Variants in MCMDC2 observed in about 807,000 individuals in gnomAD.
MCMDC2 encodes the protein minichromosome maintenance domain-containing protein 2.
MCMDC2 carries 54 observed loss-of-function variants against 75.8 expected under a neutral mutation model. The ratio of observed to expected loss-of-function variants is 0.71; its 90% CI spans 0.57 to 0.89. The LOEUF is 0.89. Among genes scored for constraint, MCMDC2 ranks in the 40% least tolerant of loss-of-function variants. The probability of loss-of-function intolerance (pLI) is 0.00; values close to 1 mark genes in which losing one functional copy is unlikely to be tolerated. For synonymous variants in MCMDC2, 249 were observed against 274.6 expected (o/e 0.91, Z 0.92); for missense variants, 656 against 780.4 (o/e 0.84, Z 1.90).
At chr8:66,886,971 A>T (rs1459102940) in intron 9 of MCMDC2, among the ~76,000 whole-genome samples, 1 of 152,080 alleles carries the variant, frequency 6.6e-6, no homozygotes, top group Non-Finnish European at 1.5e-5. Flanking sequence ...TTCCGAGGTG[A>T]CTATTGATTT....
downstream of MCMDC2, among the ~76,000 whole-genome samples, chr8:66,924,212 T>C (rs939962038): frequency 1.2e-4 from 18 of 152,152 alleles, no homozygotes; most frequent in African/African-American, 4.3e-4. Flanking sequence ...CTAAAATATT[T>C]CAAGGATAAG....
chr8:66,896,232 C>A lies in MCMDC2; in HGVS notation c.1342C>A (p.Gln448Lys). The A allele has an allele frequency of 6.2e-7, 1 of 1,612,526 alleles. No homozygotes were observed. Among genetic ancestry groups the A allele is most frequent in the Non-Finnish European group, 8.5e-7 (1 of 1,179,776 alleles). Residue 448 changes from glutamine to lysine, a missense_variant, in exon 11 of 15, where the codon CAA becomes AAA. By Grantham distance (53) the Gln-to-Lys change is moderately conservative. Transcript: ENST00000422365. Reference protein sequence around the residue: ...PGKKFGEDIDQQMTFPVQCSF... With the variant: ...PGKKFGEDIDKQMTFPVQCSF... The stretch of plus-strand genomic sequence containing the variant: ...AAAGAAGTTTGGGGAGGATATTGAT[C>A]AACAGATGACTTTTCCAGTTCAGTG...
intron 1 of MCMDC2, among the ~76,000 whole-genome samples, chr8:66,873,437 C>G (rs1811120548): frequency 6.6e-6 from 1 of 152,136 alleles, no homozygotes; most frequent in South Asian, 2.1e-4. Flanking sequence ...ACAACTTTTA[C>G]CAGTTTCATT....
intron 9 of MCMDC2, 81 bp from the exon 10 acceptor site, chr8:66,890,784 C>T: frequency 1.6e-6 from 2 of 1,221,390 alleles, no homozygotes; most frequent in South Asian, 2.7e-5. Context: ...GCTCAGTAAA[C>T]ACAGAATAAA....
chr8:66,883,636 A>AG, intron 8 of MCMDC2, 121 bp from the exon 9 acceptor site: 1 of 629,288 alleles, frequency 1.6e-6, no homozygotes, highest in East Asian at 2.8e-5. Context: ...TCAAAAAAAA[A>AG]AAGAATATGG....
At chr8:66,890,802 T>A in intron 9 of MCMDC2, 63 bp from the exon 10 acceptor site, 5 of 1,370,464 alleles carry the variant, frequency 3.6e-6, no homozygotes, top group East Asian at 2.4e-5. Flanking sequence ...AAAATTAAAT[T>A]TAATACATTG....
At chr8:66,891,987 A>G (rs1252444868) in intron 10 of MCMDC2, among the ~76,000 whole-genome samples, 1 of 152,152 alleles carries the variant, frequency 6.6e-6, no homozygotes, top group Non-Finnish European at 1.5e-5. Flanking sequence ...GCAACGGTGG[A>G]GCCCCAAGGG....
intron 14 of MCMDC2, 137 bp from the exon 15 acceptor site, chr8:66,918,864 CTT>C (rs1813418151): frequency 5.8e-6 from 4 of 688,624 alleles, no homozygotes; most frequent in Non-Finnish European, 8.8e-6. Flanking sequence ...AATTTTTTGA[CTT>C]TTATTTTTCA....
intron 9 of MCMDC2, among the ~76,000 whole-genome samples, chr8:66,888,070 A>C (rs952952025): frequency 6.6e-6 from 1 of 152,084 alleles, no homozygotes; most frequent in Non-Finnish European, 1.5e-5. Context: ...TTTTTAAATA[A>C]ATTTTAGAAT....
chr8:66,883,610 A>G, intron 8 of MCMDC2, 147 bp from the exon 9 acceptor site: 1 of 590,692 alleles, frequency 1.7e-6, no homozygotes, highest in Admixed American at 3.1e-5. Context: ...CCTGGGAAAC[A>G]TAACAAGATC....
At chr8:66,881,542 T>C (rs1585858747) in intron 8 of MCMDC2, among the ~76,000 whole-genome samples, 1 of 152,114 alleles carries the variant, frequency 6.6e-6, no homozygotes, top group African/African-American at 2.4e-5. Flanking sequence ...CAAAAGTAGC[T>C]GGGCATGGTG....
rs1162186642 is a variant in MCMDC2, at chr8:66,920,863, G to C, written c.*1694G>C. 6.6e-6 allele frequency: 1 copy of C among 152,018 alleles called. No homozygotes were observed. The highest frequency in any genetic ancestry group is 1.5e-5 in the Non-Finnish European group (1 of 68,006). The allele number at this position is 152,018 out of a possible 1,614,324, so 9.4% of individuals were successfully genotyped here. A position where few individuals can be genotyped will look rare whatever the true frequency, so the allele number is the denominator to read the frequency against. On this transcript the variant is annotated 3_prime_UTR_variant, in exon 15 of 15. Coordinates refer to ENST00000422365, the MANE Select transcript of MCMDC2 (RefSeq NM_173518.5). Reference sequence around the variant, plus strand: ...AACTTCTGCATTTTTTGTAGAGATGGAATTTTGCCATGTTTCCCAGGCTGG... The same window carrying C: ...AACTTCTGCATTTTTTGTAGAGATGCAATTTTGCCATGTTTCCCAGGCTGG...
At chr8:66,918,321 T>C (rs1437537154) in intron 14 of MCMDC2, among the ~76,000 whole-genome samples, 2 of 152,216 alleles carry the variant, frequency 1.3e-5, no homozygotes, top group Admixed American at 6.5e-5. Flanking sequence ...TAGGTTGCCT[T>C]TTCACTGTTG....
chr8:66,891,835 G>C (rs566695642), intron 10 of MCMDC2, among the ~76,000 whole-genome samples: 31 of 152,332 alleles, frequency 2.0e-4, no homozygotes, highest in African/African-American at 7.2e-4. Flanking sequence ...CTGTGGCAGG[G>C]CAGGCAGCTC....
chr8:66,908,652 C>A (rs769375736), intron 14 of MCMDC2, among the ~76,000 whole-genome samples: 5 of 152,056 alleles, frequency 3.3e-5, no homozygotes, highest in Non-Finnish European at 5.9e-5. Flanking sequence ...ACTCCATCAC[C>A]CAGGCTGGAG....
chr8:66,891,039 CA>C lies in MCMDC2; in HGVS notation c.1254del (p.Asp419IlefsTer32). On this transcript the variant is annotated frameshift_variant, in exon 10 of 15. Transcript: ENST00000422365. LOFTEE classifies it high-confidence loss of function. ...ICFIGDLASH[K>X]KDKLEQLQTV... ...GCTTTATAGGAGACTTGGCTTCACA[CA>C]AAAAAGATAAACTTGAACAGCTTCA... The C allele has an allele frequency of 6.3e-7, 1 of 1,589,616 alleles. No homozygotes were observed. Among genetic ancestry groups the C allele is most frequent in the East Asian group, 2.2e-5 (1 of 44,770 alleles).
chr8:66,912,848 G>C (rs1425530909), intron 14 of MCMDC2, among the ~76,000 whole-genome samples: 1 of 151,882 alleles, frequency 6.6e-6, no homozygotes. Context: ...CGGGTTGATG[G>C]GTGCAGCAAA....
chr8:66,914,626 T>G (rs560830073), intron 14 of MCMDC2, among the ~76,000 whole-genome samples: 1 of 152,288 alleles, frequency 6.6e-6, no homozygotes, highest in Non-Finnish European at 1.5e-5. Context: ...GTAATCCAAG[T>G]GCAATGAGGA....
chr8:66,895,205 ATTG>A (rs1401043800), intron 10 of MCMDC2, among the ~76,000 whole-genome samples: 1 of 152,020 alleles, frequency 6.6e-6, no homozygotes, highest in East Asian at 1.9e-4. Context: ...GTTGTTTTTT[ATTG>A]TTGTTATTGT....
Sources: gnomAD v4.1 joint callset for allele counts (sites outside exome capture counted in the v4.1 genomes callset) on GRCh38, gnomAD v4.1.1 for gene constraint, MANE v1.5 for transcripts, NCBI Gene and HGNC (gene_info 2026-07-23, HGNC 2026-07-21) for gene names.